Variants in THRB observed in about 807,000 individuals in gnomAD.
The protein encoded by THRB is nuclear receptor subfamily 1 group A member 2.
In THRB, 12 loss-of-function variants were observed where a neutral mutation model predicts 47.8. The observed-to-expected ratio is 0.25, with a 90% CI of 0.16 to 0.41. THRB has a LOEUF of 0.41. Among genes scored for constraint, THRB ranks in the 10% least tolerant of loss-of-function variants. THRB has a pLI of 1.00. For missense variants in THRB, 348 were observed against 589.2 expected, an observed-to-expected ratio of 0.59 and a Z score of 4.24; for synonymous variants, 218 against 212.2, an observed-to-expected ratio of 1.03 and a Z score of -0.24.
intron 1 of THRB, among the ~76,000 whole-genome samples, chr3:24,384,153 T>C (rs1406025061): frequency 2.6e-5 from 4 of 152,104 alleles, no homozygotes; most frequent in Admixed American, 1.3e-4. Context: ...TCAGATTTGG[T>C]TGAAGAAATG....
Position 24,183,407 on chromosome 3 carries a change from C to G in THRB, c.283+6667G>C, listed in dbSNP as rs531450767. 7.0e-4 allele frequency among the ~76,000 whole-genome samples: 100 copies of G among 143,836 alleles called. 1 individual carries two copies. Among genetic ancestry groups the G allele is most frequent in the African/African-American group, 2.1e-3 (80 of 38,116 alleles). The allele number at this position is 143,836 out of a possible 152,430, so 94.4% of individuals were successfully genotyped here. Reference sequence around the variant, plus strand: ...TTTGAGACAGAGTCTCACTCTGTCGCCCAGGCTGGAGTGCAATGGCGCTAT... The same window carrying G: ...TTTGAGACAGAGTCTCACTCTGTCGGCCAGGCTGGAGTGCAATGGCGCTAT... On this transcript the variant is annotated intron_variant, in intron 5 of 10. Coordinates refer to ENST00000646209, the MANE Select transcript of THRB (RefSeq NM_001354712.2).
intron 4 of THRB, among the ~76,000 whole-genome samples, chr3:24,212,774 G>C (rs1220106268): frequency 6.6e-6 from 1 of 152,072 alleles, no homozygotes; most frequent in Non-Finnish European, 1.5e-5. Context: ...GGAGAAAGCT[G>C]GGTGAAGGTA....
At chr3:24,371,883 AAGTATATACAATTT>A (rs2149754221) in intron 1 of THRB, among the ~76,000 whole-genome samples, 1 of 152,286 alleles carries the variant, frequency 6.6e-6, no homozygotes, top group South Asian at 2.1e-4. Context: ...GATTCTTCAA[AAGTATATACAATTT>A]TGTGTTTATA....
intron 1 of THRB, among the ~76,000 whole-genome samples, chr3:24,488,493 G>C (rs963613105): frequency 1.3e-5 from 2 of 151,512 alleles, no homozygotes; most frequent in African/African-American, 4.8e-5. Flanking sequence ...CAAGACAAAC[G>C]TAAGTTGAGA....
intron 5 of THRB, among the ~76,000 whole-genome samples, chr3:24,170,783 C>T (rs1021721854): frequency 2.6e-5 from 4 of 151,940 alleles, no homozygotes; most frequent in African/African-American, 9.7e-5. Context: ...AGCCCTGACA[C>T]TCTTCATATA....
intron 5 of THRB, chr3:24,164,922 C>T (rs1343796259): frequency 3.0e-5 from 18 of 608,572 alleles, no homozygotes; most frequent in South Asian, 2.9e-4. Flanking sequence ...AAATATTTAG[C>T]GTTCAAATTC....
chr3:24,332,068 T>C (rs2061963956), intron 2 of THRB, among the ~76,000 whole-genome samples: 1 of 152,136 alleles, frequency 6.6e-6, no homozygotes, highest in African/African-American at 2.4e-5. Context: ...CCAGCCACAT[T>C]TTCCCACTTC....
chr3:24,408,523 G>A (rs2150149632), intron 1 of THRB, among the ~76,000 whole-genome samples: 1 of 152,008 alleles, frequency 6.6e-6, no homozygotes, highest in Admixed American at 6.6e-5. Flanking sequence ...GTGAGCACGT[G>A]CATGAGCATG....
chr3:24,262,812 T>TA, intron 3 of THRB, among the ~76,000 whole-genome samples: 1 of 152,190 alleles, frequency 6.6e-6, no homozygotes, highest in Non-Finnish European at 1.5e-5. Flanking sequence ...CCCTACCCCC[T>TA]ACTAGACGGT....
At chr3:24,229,413 A>C (rs2150095758) in intron 3 of THRB, among the ~76,000 whole-genome samples, 1 of 152,282 alleles carries the variant, frequency 6.6e-6, no homozygotes, top group South Asian at 2.1e-4. Context: ...GAAATAGAAA[A>C]TTTGGGCATC....
At chr3:24,170,271 T>C (rs1353568578) in intron 5 of THRB, among the ~76,000 whole-genome samples, 1 of 152,172 alleles carries the variant, frequency 6.6e-6, no homozygotes, top group Non-Finnish European at 1.5e-5. Context: ...CATTGGTTCT[T>C]CCTCCAAAAT....
intron 2 of THRB, among the ~76,000 whole-genome samples, chr3:24,313,623 G>A (rs893911479): frequency 2.0e-5 from 3 of 151,968 alleles, no homozygotes; most frequent in African/African-American, 7.3e-5. Context: ...TTGATATATA[G>A]TTACTTTTCT....
chr3:24,183,347 CTTCTTT>C (rs2149492873), intron 5 of THRB, among the ~76,000 whole-genome samples: 1 of 144,616 alleles, frequency 6.9e-6, no homozygotes, highest in Admixed American at 6.9e-5. Flanking sequence ...TTTTTCTTTT[CTTCTTT>C]TTCTTTTTTC....
chr3:24,295,644 A>G (rs1400295690), intron 3 of THRB, among the ~76,000 whole-genome samples: 1 of 152,210 alleles, frequency 6.6e-6, no homozygotes, highest in Non-Finnish European at 1.5e-5. Flanking sequence ...TTTGAATTCA[A>G]TTGAAACTTG....
intron 1 of THRB, among the ~76,000 whole-genome samples, chr3:24,466,647 T>C (rs1006823644): frequency 6.6e-6 from 1 of 152,238 alleles, no homozygotes; most frequent in South Asian, 2.1e-4. Flanking sequence ...GTCACATGAA[T>C]TTTGCTTCCC....
intron 4 of THRB, among the ~76,000 whole-genome samples, chr3:24,205,268 C>T (rs1164227075): frequency 1.3e-5 from 2 of 152,110 alleles, no homozygotes; most frequent in Non-Finnish European, 2.9e-5. Flanking sequence ...GTCAGGTTAC[C>T]CACAAAGGGA....
intron 5 of THRB, among the ~76,000 whole-genome samples, chr3:24,173,256 A>G (rs2040678343): frequency 6.6e-6 from 1 of 152,220 alleles, no homozygotes; most frequent in African/African-American, 2.4e-5. Context: ...CTTTTCTAGC[A>G]TCACTGGCTG....
At chr3:24,466,785 G>C (rs992213878) in intron 1 of THRB, among the ~76,000 whole-genome samples, 11 of 152,158 alleles carry the variant, frequency 7.2e-5, no homozygotes, top group Non-Finnish European at 1.3e-4. Flanking sequence ...ATGATTATCT[G>C]AGCCTTTAGT....
At chr3:24,174,736 T>G (rs759058216) in intron 5 of THRB, among the ~76,000 whole-genome samples, 2 of 152,174 alleles carry the variant, frequency 1.3e-5, no homozygotes, top group African/African-American at 4.8e-5. Flanking sequence ...CTGCGTACAG[T>G]GGCCCATGCA....
Sources: gnomAD v4.1 joint callset for allele counts (sites outside exome capture counted in the v4.1 genomes callset) on GRCh38, gnomAD v4.1.1 for gene constraint, MANE v1.5 for transcripts, NCBI Gene and HGNC (gene_info 2026-07-23, HGNC 2026-07-21) for gene names.